The following NPR3 variants were observed in gnomAD, a reference collection of about 807,000 sequenced individuals.
The protein encoded by NPR3 is atrial natriuretic peptide receptor 3.
In NPR3, 34 loss-of-function variants were observed where a neutral mutation model predicts 54.5. That is an observed-to-expected ratio of 0.62 (90% CI 0.47 to 0.83). The LOEUF is 0.83. Among genes scored for constraint, NPR3 ranks in the 40% least tolerant of loss-of-function variants. The probability of loss-of-function intolerance (pLI) is 0.00; values close to 1 mark genes in which losing one functional copy is unlikely to be tolerated. For missense variants in NPR3, 674 were observed against 720.8 expected (o/e 0.94, Z 0.74); for synonymous variants, 289 against 297.1 (o/e 0.97, Z 0.28).
chr5:32,707,193 A>T (rs139332486), upstream of NPR3, among the ~76,000 whole-genome samples: 1 of 152,322 alleles, frequency 6.6e-6, no homozygotes, highest in East Asian at 1.9e-4. Context: ...AGTTGATGGA[A>T]ATCTAAGAGG....
chr5:32,715,437 T>C (rs1235979173), intron 1 of NPR3, among the ~76,000 whole-genome samples: 1 of 152,190 alleles, frequency 6.6e-6, no homozygotes, highest in African/African-American at 2.4e-5. Context: ...CAAATAATAA[T>C]GCGACTAAAA....
chr5:32,721,477 T>C (rs1170472361), intron 1 of NPR3, among the ~76,000 whole-genome samples: 5 of 152,016 alleles, frequency 3.3e-5, no homozygotes, highest in Admixed American at 6.6e-5. Flanking sequence ...ACTCTATCTA[T>C]ACAAAAAGAA....
chr5:32,756,425 C>A lies in NPR3; in HGVS notation c.1059+17395C>A, dbSNP rs373154993. On this transcript the variant is annotated intron_variant, in intron 3 of 7. Coordinates refer to ENST00000265074, the MANE Select transcript of NPR3 (RefSeq NM_001204375.2). Reference sequence around the variant, plus strand: ...TCTTTTGAGAAGTGTCTGTTCATATCCTTTGCCTACTTTTTGATGGGGTTG... The same window carrying A: ...TCTTTTGAGAAGTGTCTGTTCATATACTTTGCCTACTTTTTGATGGGGTTG... Among the ~76,000 whole-genome samples the A allele has an allele frequency of 2.2e-4, 33 of 152,250 alleles. No homozygotes were observed. In the East Asian group the frequency reaches 4.4e-3, roughly 20 times the overall value.
At chr5:32,728,835 GT>G (rs1739279789) in intron 2 of NPR3, among the ~76,000 whole-genome samples, 16 of 60,624 alleles carry the variant, frequency 2.6e-4, no homozygotes, top group Non-Finnish European at 4.0e-4. Flanking sequence ...GTGTGTGTGT[GT>G]GTATATATAT....
rs999827040 is a variant in NPR3, at chr5:32,702,881, A to G, written c.100+13695A>G. Among the ~76,000 whole-genome samples the G allele has an allele frequency of 4.6e-5, 7 of 152,220 alleles. No homozygotes were observed. In the East Asian group the frequency reaches 7.7e-4, roughly 17 times the overall value. On this transcript the variant is annotated intron_variant, in intron 1 of 5. Coordinates refer to the NPR3 transcript ENST00000509104. ...GAACTAGTTTACAGTCCCACCAACA[A>G]TGTAAAAGTGTTCCTATTTCTCCAC...
At chr5:32,760,937 A>G (rs760097082) in intron 3 of NPR3, among the ~76,000 whole-genome samples, 13 of 151,946 alleles carry the variant, frequency 8.6e-5, no homozygotes, top group South Asian at 2.1e-4. Context: ...TGTTTCTCCC[A>G]TTGTCTTGCT....
At chr5:32,729,272 G>T (rs977376228) in intron 2 of NPR3, among the ~76,000 whole-genome samples, 3 of 151,650 alleles carry the variant, frequency 2.0e-5, no homozygotes, top group Non-Finnish European at 2.9e-5. Flanking sequence ...CTCGTGATCC[G>T]CCCACCTCGG....
chr5:32,699,762 G>T (rs1429213039), intron 1 of NPR3, among the ~76,000 whole-genome samples: 1 of 152,142 alleles, frequency 6.6e-6, no homozygotes, highest in African/African-American at 2.4e-5. Context: ...GTGCTTTTCT[G>T]TGTACCTACT....
chr5:32,789,557 A>G lies in NPR3; in HGVS notation c.*3212A>G. On this transcript the variant is annotated 3_prime_UTR_variant, in exon 8 of 8. Coordinates refer to ENST00000265074, the MANE Select transcript of NPR3 (RefSeq NM_001204375.2). ...AGAGAGAAATGCATGGGAAAAGAACACCTCCTTTTCTCCTTTCTCTTAAAT... is the reference window on the plus strand; with the variant it reads ...AGAGAGAAATGCATGGGAAAAGAACGCCTCCTTTTCTCCTTTCTCTTAAAT... 2 of 534,370 alleles carry G rather than the reference A, an allele frequency of 3.7e-6. No homozygotes were observed. The highest frequency in any genetic ancestry group is 2.8e-5 in the South Asian group (2 of 71,552). The allele number at this position is 534,370 out of a possible 1,614,324, so 33.1% of individuals were successfully genotyped here.
At chr5:32,714,067 G>T (rs1487254116) in intron 1 of NPR3, among the ~76,000 whole-genome samples, 1 of 152,238 alleles carries the variant, frequency 6.6e-6, no homozygotes, top group Non-Finnish European at 1.5e-5. Context: ...CCTCCACGGG[G>T]GTGTCTGCGC....
chr5:32,720,891 T>G (rs187519988), intron 1 of NPR3, among the ~76,000 whole-genome samples: 243 of 152,344 alleles, frequency 1.6e-3, no homozygotes, highest in African/African-American at 5.4e-3. Flanking sequence ...ACAAATTTGT[T>G]GATGCTGGTT....
intron 3 of NPR3, among the ~76,000 whole-genome samples, chr5:32,771,345 A>C (rs950456780): frequency 3.3e-5 from 5 of 152,148 alleles, no homozygotes; most frequent in African/African-American, 9.7e-5. Context: ...AGAGAAGGTA[A>C]ATTTTGCGAT....
At chr5:32,693,852 A>T (rs1182145754) in intron 1 of NPR3, among the ~76,000 whole-genome samples, 1 of 152,204 alleles carries the variant, frequency 6.6e-6, no homozygotes, top group East Asian at 1.9e-4. Context: ...CTCATTATTT[A>T]TAACACCCAT....
At position 32,788,320 on chromosome 5, in the gene NPR3, G is replaced by T. The variant is rs1028091431; in HGVS notation, c.*1975G>T. 6.6e-6 allele frequency: 1 copy of T among 152,262 alleles called. No individual in the cohort carries two copies. Among genetic ancestry groups the T allele is most frequent in the Admixed American group, 6.5e-5 (1 of 15,286 alleles). 9.4% of individuals were successfully genotyped at this position (152,262 alleles called of 1,614,324 possible). ...AAGGGCAAACTCCAGAAGTTCTAGT[G>T]CAGGAAGAGAGTTTGAGAAGTAAAA... On this transcript the variant is annotated 3_prime_UTR_variant, in exon 8 of 8. Coordinates refer to ENST00000265074, the MANE Select transcript of NPR3 (RefSeq NM_001204375.2).
At chr5:32,723,757 G>A (rs566563842) in intron 1 of NPR3, among the ~76,000 whole-genome samples, 1 of 152,140 alleles carries the variant, frequency 6.6e-6, no homozygotes, top group Non-Finnish European at 1.5e-5. Context: ...GAACTGGTCT[G>A]TAAAAGCTTC....
intron 1 of NPR3, 32 bp from the exon 2 acceptor site, chr5:32,724,666 T>C: frequency 1.9e-6 from 3 of 1,613,362 alleles, no homozygotes; most frequent in Non-Finnish European, 2.5e-6. Context: ...TGCAAAGGGG[T>C]GCCTCATGTG....
intron 2 of NPR3, among the ~76,000 whole-genome samples, chr5:32,736,362 C>T (rs542906906): frequency 1.1e-4 from 17 of 151,550 alleles, no homozygotes; most frequent in East Asian, 5.8e-4. Context: ...TTGTCCATTT[C>T]GGTCCGTGAG....
intron 3 of NPR3, among the ~76,000 whole-genome samples, chr5:32,752,014 C>T (rs929475284): frequency 2.6e-5 from 4 of 152,064 alleles, no homozygotes; most frequent in Admixed American, 2.6e-4. Flanking sequence ...CCAGCCTGGC[C>T]AACATAGTGA....
chr5:32,695,058 T>G (rs1740489519), intron 1 of NPR3, among the ~76,000 whole-genome samples: 1 of 152,258 alleles, frequency 6.6e-6, no homozygotes, highest in African/African-American at 2.4e-5. Context: ...TATGGCTGAA[T>G]AGTAATCCAC....
Sources: gnomAD v4.1 joint callset for allele counts (sites outside exome capture counted in the v4.1 genomes callset) on GRCh38, gnomAD v4.1.1 for gene constraint, MANE v1.5 for transcripts, NCBI Gene and HGNC (gene_info 2026-07-23, HGNC 2026-07-21) for gene names.